The following NAE1 variants were observed in gnomAD, a reference collection of about 807,000 sequenced individuals.
The protein encoded by NAE1 is NEDD8 activating enzyme E1 subunit 1.
NAE1 carries 59 observed loss-of-function variants against 88.0 expected under a neutral mutation model. That is an observed-to-expected ratio of 0.67 (90% confidence interval 0.54 to 0.83). NAE1 has a LOEUF of 0.83. Among genes scored for constraint, NAE1 ranks in the 40% least tolerant of loss-of-function variants. The pLI, the probability that NAE1 is intolerant of heterozygous loss-of-function variation, is 0.00. For missense variants in NAE1, 554 were observed against 632.8 expected (o/e 0.88, Z 1.34); for synonymous variants, 186 against 208.9 (o/e 0.89, Z 0.95).
intron 8 of NAE1, among the ~76,000 whole-genome samples, chr16:66,818,100 TTA>T (rs1344387597): frequency 6.6e-6 from 1 of 152,208 alleles, no homozygotes; most frequent in African/African-American, 2.4e-5. Flanking sequence ...CGTTTATCCT[TTA>T]TGTTACAAAT....
At chr16:66,830,575 G>C (rs964503244) in intron 1 of NAE1, among the ~76,000 whole-genome samples, 3 of 152,212 alleles carry the variant, frequency 2.0e-5, no homozygotes, top group Non-Finnish European at 4.4e-5. Context: ...GGGCGCAACG[G>C]GGCCGGCAGC....
Position 66,821,317 on chromosome 16 carries a change from A to T in NAE1, c.511+133T>A, listed in dbSNP as rs1960249238. The stretch of plus-strand genomic sequence containing the variant: ...TTGCAGCCTATTGAATCTGATTGCC[A>T]CTTTGAATCTGCAACTAGAGATGTG... On this transcript the variant is annotated intron_variant, in intron 7 of 19. Transcript: ENST00000290810. 5.1e-6 allele frequency: 6 copies of T among 1,176,614 alleles called. 1 individual carries two copies. In the Middle Eastern group the frequency reaches 9.3e-4, roughly 182 times the overall value. The allele number at this position is 1,176,614 out of a possible 1,614,324, so 72.9% of individuals were successfully genotyped here.
At chr16:66,817,306 G>T in intron 9 of NAE1, 119 bp downstream of exon 9, 5 of 896,064 alleles carry the variant, frequency 5.6e-6, no homozygotes, top group South Asian at 4.6e-5. Context: ...GCATCCATTT[G>T]CCCTACCATA....
At position 66,810,753 on chromosome 16, in the gene NAE1, T is replaced by C. The variant is rs760944372; in HGVS notation, c.1054A>G (p.Lys352Glu). The change falls in exon 14 of 20, where the codon AAA becomes GAA. Residue 352 changes from lysine to glutamate, a missense_variant. Coordinates refer to ENST00000290810, the MANE Select transcript of NAE1 (RefSeq NM_003905.4). ...LQNVYREKAKKDAAAVGNHVA... is the reference protein window; with the variant it reads ...LQNVYREKAKEDAAAVGNHVA... ...TGATTACCCACAGCGGCAGCATCTT[T>C]CTTTGCTTTTTCACGGTAACTAAAA... 4.3e-6 allele frequency: 7 copies of C among 1,614,068 alleles called. No individual in the cohort carries two copies. In the South Asian group the frequency reaches 4.4e-5, roughly 10 times the overall value.
intron 11 of NAE1, among the ~76,000 whole-genome samples, chr16:66,814,419 C>A (rs531751299): frequency 6.6e-6 from 1 of 151,816 alleles, no homozygotes; most frequent in Admixed American, 6.6e-5. Flanking sequence ...AGGAAGACCC[C>A]GTCTATAGAA....
chr16:66,808,915 C>T (rs1597038453), intron 16 of NAE1, 74 bp downstream of exon 16: 6 of 1,012,216 alleles, frequency 5.9e-6, no homozygotes, highest in Non-Finnish European at 7.1e-6. Flanking sequence ...ATACTCAACA[C>T]TATTATACAC....
At chr16:66,828,254 G>A (rs1054776717) in intron 1 of NAE1, 27 of 466,740 alleles carry the variant, frequency 5.8e-5, no homozygotes, top group African/African-American at 4.5e-4. Flanking sequence ...ACTTTGGGAG[G>A]CGGAGGCAGG....
In NAE1 at chr16:66,815,883, G is replaced by A. The variant is rs545268940; in HGVS notation, c.840+698C>T. Among the ~76,000 whole-genome samples the A allele has an allele frequency of 6.0e-5, 9 of 150,624 alleles. No individual in the cohort carries two copies. In the South Asian group the frequency reaches 1.9e-3, roughly 32 times the overall value. ...TCACCATGTTGGCCAGGCTCGTCTT[G>A]GACTCCTGACTTCATGTGATCTGCC... On this transcript the variant is annotated intron_variant, in intron 11 of 19. Transcript: ENST00000290810.
intron 1 of NAE1, chr16:66,828,016 T>C (rs1232439413): frequency 6.2e-7 from 1 of 1,613,892 alleles, no homozygotes; most frequent in Non-Finnish European, 8.5e-7. Context: ...AGCATCCATC[T>C]TTCCACTCCA....
chr16:66,827,887 T>C, intron 1 of NAE1: 1 of 1,095,036 alleles, frequency 9.1e-7, no homozygotes. Context: ...GGTCTTACTA[T>C]GTTATCCAGA....
At chr16:66,828,406 G>T (rs543943057) in intron 1 of NAE1, among the ~76,000 whole-genome samples, 100 of 150,728 alleles carry the variant, frequency 6.6e-4, no homozygotes, top group African/African-American at 2.1e-3. Flanking sequence ...CATGAGAATC[G>T]CATGAACGCA....
chr16:66,807,249 C>T (rs769082378), intron 17 of NAE1, among the ~76,000 whole-genome samples: 1 of 152,208 alleles, frequency 6.6e-6, no homozygotes, highest in Non-Finnish European at 1.5e-5. Context: ...TGTTATGCAA[C>T]AGATAACTGA....
rs1393487607 is a variant in NAE1, at chr16:66,803,284, TTC to T, written c.1496-168_1496-167del. Among the ~76,000 whole-genome samples, 13 of 152,324 alleles carry T rather than the reference TTC, an allele frequency of 8.5e-5. No individual in the cohort carries two copies. The East Asian group carries it at 1.5e-3, about 18-fold the overall frequency. The stretch of plus-strand genomic sequence containing the variant: ...GTCATATCAACATAAAAGCCTATAA[TTC>T]TTTTTGTTATTAAAGGAAATCTAAA... On this transcript the variant is annotated intron_variant, in intron 19 of 19. Transcript: ENST00000290810.
At chr16:66,808,811 C>T (rs1436101341) in intron 16 of NAE1, 178 bp downstream of exon 16, 7 of 599,104 alleles carry the variant, frequency 1.2e-5, no homozygotes, top group African/African-American at 9.6e-5. Flanking sequence ...TTTATGCATA[C>T]ATTAAGTTTC....
chr16:66,813,746 CAA>C lies in NAE1; in HGVS notation c.900+39_900+40del. ...CATTAAGTGGCGTTTTACTTTGACC[CAA>C]AGTTTTAGCAGCAATGTTTTTACTT... On this transcript the variant is annotated intron_variant, in intron 12 of 19. Transcript: ENST00000290810. 1.9e-6 allele frequency: 3 copies of C among 1,611,710 alleles called. No homozygotes were observed. The African/African-American group carries it at 4.0e-5, about 22-fold the overall frequency.
intron 1 of NAE1, 57 bp downstream of exon 1, chr16:66,830,790 G>T: frequency 6.7e-7 from 1 of 1,482,890 alleles, no homozygotes; most frequent in African/African-American, 1.5e-5. Context: ...CCTTAGGCCC[G>T]GCCCGAATGC....
At chr16:66,828,129 CACGTA>C in intron 1 of NAE1, 1 of 1,361,596 alleles carries the variant, frequency 7.3e-7, no homozygotes. Flanking sequence ...CAAAGTATGG[CACGTA>C]GAAGACACCT....
At position 66,808,580 on chromosome 16, in the gene NAE1, A is replaced by G; in HGVS notation, c.1271T>C (p.Val424Ala). 5 of 1,608,232 alleles carry G rather than the reference A, an allele frequency of 3.1e-6. No homozygotes were observed. Among genetic ancestry groups the G allele is most frequent in the Non-Finnish European group, 4.2e-6 (5 of 1,176,882 alleles). ...SSMDNPDNEI[V>A]LYLMLRAVDR... ...AACAGCCCGTAACATTAAGTACAAC[A>G]CTATTTCATTATCTGGATTGTCCAT... The change falls in exon 17 of 20, where the codon GTG becomes GCG. Residue 424 changes from valine (V) to alanine (A), a missense_variant. Physicochemically the swap from Val to Ala is moderately conservative, Grantham distance 64. Coordinates refer to ENST00000290810, the MANE Select transcript of NAE1 (RefSeq NM_003905.4).
intron 10 of NAE1, 119 bp downstream of exon 10, chr16:66,816,846 A>G: frequency 1.4e-6 from 2 of 1,478,336 alleles, no homozygotes; most frequent in Non-Finnish European, 1.8e-6. Flanking sequence ...CTCCAGAAGG[A>G]AAATAAAAGC....
Sources: allele counts gnomAD v4.1 joint callset (sites outside exome capture counted in the v4.1 genomes callset), GRCh38; gene constraint gnomAD v4.1.1; transcripts MANE v1.5; gene names NCBI Gene and HGNC (gene_info 2026-07-23, HGNC 2026-07-21).